The following UBAP1 variants were observed in gnomAD, a reference collection of about 807,000 sequenced individuals.
UBAP1 encodes the protein ubiquitin associated protein 1.
Under a neutral mutation model 39.0 loss-of-function variants are expected in UBAP1, and 5 were observed. The observed-to-expected ratio is 0.13, with a 90% confidence interval of 0.07 to 0.27. The LOEUF is 0.27. Among genes scored for constraint, UBAP1 ranks in the 10% least tolerant of loss-of-function variants. The probability of loss-of-function intolerance (pLI) is 1.00; values close to 1 mark genes in which losing one functional copy is unlikely to be tolerated. For missense variants in UBAP1, 490 were observed against 608.1 expected (o/e 0.81, Z 2.04); for synonymous variants, 211 against 225.1 (o/e 0.94, Z 0.56).
chr9:34,195,176 T>G (rs1442108220), intron 1 of UBAP1, among the ~76,000 whole-genome samples: 1 of 151,848 alleles, frequency 6.6e-6, no homozygotes, highest in Non-Finnish European at 1.5e-5. Context: ...TTATAAGAAG[T>G]TTTTGATTTC....
chr9:34,185,133 C>T (rs1830327479), intron 1 of UBAP1, among the ~76,000 whole-genome samples: 1 of 151,624 alleles, frequency 6.6e-6, no homozygotes, highest in Non-Finnish European at 1.5e-5. Context: ...GGTGTTTCAC[C>T]TTATTCACCA....
intron 2 of UBAP1, 98 bp downstream of exon 2, chr9:34,221,046 C>T (rs953419404): frequency 9.4e-7 from 1 of 1,060,968 alleles, no homozygotes; most frequent in South Asian, 1.4e-5. Context: ...CTTTTTGTCT[C>T]TTTTAATGAA....
intron 1 of UBAP1, among the ~76,000 whole-genome samples, chr9:34,204,693 A>T (rs909434663): frequency 3.3e-5 from 5 of 151,766 alleles, no homozygotes; most frequent in Non-Finnish European, 7.4e-5. Context: ...CTTTTTTTTT[A>T]AATTTCAGAG....
chr9:34,199,968 T>C (rs1831279907), intron 1 of UBAP1, among the ~76,000 whole-genome samples: 1 of 152,074 alleles, frequency 6.6e-6, no homozygotes, highest in African/African-American at 2.4e-5. Flanking sequence ...AATTTTTTTT[T>C]TTCTATTTCA....
intron 2 of UBAP1, among the ~76,000 whole-genome samples, chr9:34,223,298 C>T (rs960288299): frequency 6.6e-6 from 1 of 151,446 alleles, no homozygotes; most frequent in Admixed American, 6.6e-5. Context: ...GGTGTAGTGA[C>T]GCATGCCTGT....
At chr9:34,208,001 G>A (rs1223868913) in intron 1 of UBAP1, among the ~76,000 whole-genome samples, 5 of 152,102 alleles carry the variant, frequency 3.3e-5, no homozygotes, top group Admixed American at 3.3e-4. Flanking sequence ...GAATACTTCT[G>A]TAGTCTCCCC....
At chr9:34,221,527 T>TGA (rs1191862793) in intron 2 of UBAP1, among the ~76,000 whole-genome samples, 1 of 131,412 alleles carries the variant, frequency 7.6e-6, no homozygotes, top group African/African-American at 2.9e-5. Context: ...GAGACTCCAT[T>TGA]AAAAAAAAAA....
intron 2 of UBAP1, among the ~76,000 whole-genome samples, chr9:34,233,518 C>T (rs752620415): frequency 1.3e-4 from 20 of 152,124 alleles, no homozygotes; most frequent in African/African-American, 3.6e-4. Context: ...TCTGGGGAGT[C>T]TCATCCATTC....
At chr9:34,248,195 C>G (rs1428218533) in intron 4 of UBAP1, among the ~76,000 whole-genome samples, 1 of 152,052 alleles carries the variant, frequency 6.6e-6, no homozygotes, top group African/African-American at 2.4e-5. Flanking sequence ...GCCACCACAC[C>G]CGGCTGATTT....
intron 1 of UBAP1, among the ~76,000 whole-genome samples, chr9:34,207,552 A>G (rs1036898797): frequency 2.6e-5 from 4 of 151,824 alleles, no homozygotes; most frequent in Non-Finnish European, 5.9e-5. Flanking sequence ...TGTGTCTTTC[A>G]GTACAGGTTT....
intron 1 of UBAP1, among the ~76,000 whole-genome samples, chr9:34,205,920 A>G (rs1831660698): frequency 1.3e-5 from 2 of 152,312 alleles, no homozygotes; most frequent in East Asian, 3.9e-4. Flanking sequence ...TGAACCCCGG[A>G]GGTGGAGGTT....
At chr9:34,227,288 G>GT (rs913179340) in intron 2 of UBAP1, among the ~76,000 whole-genome samples, 75 of 151,766 alleles carry the variant, frequency 4.9e-4, no homozygotes, top group African/African-American at 1.3e-3. Context: ...CTTTAAGATA[G>GT]TTTTTTTTGT....
At chr9:34,234,638 GAT>G (rs150889409) in intron 3 of UBAP1, among the ~76,000 whole-genome samples, 37 of 149,132 alleles carry the variant, frequency 2.5e-4, no homozygotes, top group African/African-American at 4.7e-4. Flanking sequence ...AAAAATGATA[GAT>G]ATATATATAT....
At chr9:34,228,580 C>T (rs7046012) in intron 2 of UBAP1, among the ~76,000 whole-genome samples, 99,534 of 136,656 alleles carry the variant, frequency 0.73, 37,071 homozygotes, top group East Asian at 0.95. Flanking sequence ...CCCCCCCCCC[C>T]TTTTTTTTTT....
intron 3 of UBAP1, among the ~76,000 whole-genome samples, chr9:34,238,660 T>A (rs1388521532): frequency 6.6e-6 from 1 of 152,210 alleles, no homozygotes; most frequent in African/African-American, 2.4e-5. Flanking sequence ...TCCTTTTGTG[T>A]ATGGAGACTT....
intron 1 of UBAP1, among the ~76,000 whole-genome samples, chr9:34,196,794 A>G (rs1050328978): frequency 1.3e-5 from 2 of 151,262 alleles, no homozygotes; most frequent in South Asian, 2.1e-4. Context: ...TCTCTATTGA[A>G]TTATTTGGTT....
At chr9:34,182,616 C>CT (rs1457068438) in intron 1 of UBAP1, among the ~76,000 whole-genome samples, 45 of 110,708 alleles carry the variant, frequency 4.1e-4, no homozygotes, top group Non-Finnish European at 7.0e-4. Context: ...TCTTTCTTTC[C>CT]TTCTTTCTTT....
In UBAP1 at chr9:34,230,391, A is replaced by T. The variant is rs541643150; in HGVS notation, c.35-3825A>T. Among the ~76,000 whole-genome samples the T allele has an allele frequency of 1.4e-4, 22 of 152,212 alleles. No individual in the cohort carries two copies. The South Asian group carries it at 1.9e-3, about 13-fold the overall frequency. The stretch of plus-strand genomic sequence containing the variant: ...ATATAGTTATTATTAATGTGGATAG[A>T]TTTTATCATTTTTGTGTATCATCTG... On this transcript the variant is annotated intron_variant, in intron 2 of 6. Transcript: ENST00000297661.
In UBAP1 at chr9:34,249,965, A is replaced by G. The variant is rs1349297265; in HGVS notation, c.1266+4A>G. 2 of 1,613,720 alleles carry G rather than the reference A, an allele frequency of 1.2e-6. No individual in the cohort carries two copies. The highest frequency in any genetic ancestry group is 1.1e-5 in the South Asian group (1 of 91,046). On this transcript the variant is annotated splice_donor_region_variant and intron_variant, in intron 5 of 6. Transcript: ENST00000297661. ...GAAAGGAGAGAATATTGAGCAGGTG[A>G]GCGGTTGGTCAGCCAGGAGGGCAGG... is the stretch of plus-strand genomic sequence containing the variant.
Sources: allele counts gnomAD v4.1 joint callset (sites outside exome capture counted in the v4.1 genomes callset), GRCh38; gene constraint gnomAD v4.1.1; transcripts MANE v1.5; gene names NCBI Gene and HGNC (gene_info 2026-07-23, HGNC 2026-07-21).